Variants in UBE2H observed in about 807,000 individuals in gnomAD.
UBE2H encodes the protein ubiquitin conjugating enzyme E2 H.
Under a neutral mutation model 29.0 loss-of-function variants are expected in UBE2H, and 3 were observed. The ratio of observed to expected loss-of-function variants is 0.10; its 90% CI spans 0.05 to 0.27. UBE2H has a LOEUF of 0.27. Among genes scored for constraint, UBE2H ranks in the 10% least tolerant of loss-of-function variants. The pLI, the probability that UBE2H is intolerant of heterozygous loss-of-function variation, is 1.00. For synonymous variants in UBE2H, 69 were observed against 82.9 expected (o/e 0.83, Z 0.91); for missense variants, 68 against 228.2 (o/e 0.30, Z 4.52).
chr7:129,861,715 A>G (rs376445845), intron 3 of UBE2H, among the ~76,000 whole-genome samples: 9 of 152,200 alleles, frequency 5.9e-5, no homozygotes, highest in Admixed American at 2.6e-4. Flanking sequence ...AACATGGTGA[A>G]ACCCCATCTG....
intron 6 of UBE2H, among the ~76,000 whole-genome samples, chr7:129,838,320 C>A (rs1563017802): frequency 6.6e-6 from 1 of 152,118 alleles, no homozygotes; most frequent in East Asian, 1.9e-4. Context: ...TGCCTCATAC[C>A]TGCACATTTC....
chr7:129,904,444 T>C (rs1201880008), intron 1 of UBE2H, among the ~76,000 whole-genome samples: 4 of 152,184 alleles, frequency 2.6e-5, no homozygotes, highest in Non-Finnish European at 5.9e-5. Context: ...AAATGGCACT[T>C]CCTTAGAGAC....
chr7:129,944,366 A>T (rs547246755), intron 1 of UBE2H, among the ~76,000 whole-genome samples: 7 of 152,334 alleles, frequency 4.6e-5, no homozygotes, highest in African/African-American at 1.4e-4. Flanking sequence ...AAAACAAAAC[A>T]AAACAAAACA....
chr7:129,948,836 A>G (rs1034407812), intron 1 of UBE2H: 1 of 286,948 alleles, frequency 3.5e-6, no homozygotes. Flanking sequence ...TTGTACTCTA[A>G]CAGGTCAGGT....
chr7:129,888,610 G>A (rs1337415175), intron 1 of UBE2H, among the ~76,000 whole-genome samples: 1 of 152,168 alleles, frequency 6.6e-6, no homozygotes, highest in African/African-American at 2.4e-5. Context: ...GAGTAGCTGG[G>A]ATTACAGGCG....
intron 1 of UBE2H, among the ~76,000 whole-genome samples, chr7:129,907,527 A>G (rs1021090943): frequency 1.4e-4 from 22 of 152,196 alleles, no homozygotes; most frequent in African/African-American, 4.8e-4. Flanking sequence ...ATAAAAGCAG[A>G]TAAGTAGACA....
chr7:129,951,428 C>G (rs925615185), intron 1 of UBE2H: 11 of 152,106 alleles, frequency 7.2e-5, no homozygotes, highest in African/African-American at 2.4e-4. Flanking sequence ...CACTTGCCCC[C>G]CTCCCCAAGG....
In UBE2H at chr7:129,858,936, T is replaced by C. The variant is rs775670950; in HGVS notation, c.211A>G (p.Met71Val). 1.2e-6 allele frequency: 2 copies of C among 1,610,508 alleles called. No individual in the cohort carries two copies. The highest frequency in any genetic ancestry group is 1.7e-6 in the Non-Finnish European group (2 of 1,178,086). ...YPFKSPSIGF[M>V]NKIFHPNIDE... ...ATGTTGGGATGGAAAATTTTATTCA[T>C]GAATCCTGTAAAAAGAGATGTTAAT... is the stretch of plus-strand genomic sequence containing the variant. The change falls in exon 4 of 7, where the codon ATG (methionine) becomes GTG (valine). Residue 71 changes from methionine (M) to valine (V), a missense_variant. Physicochemically the swap from Met to Val is conservative, Grantham distance 21. Transcript: ENST00000355621.
intron 1 of UBE2H, among the ~76,000 whole-genome samples, chr7:129,945,279 C>CA (rs1807740181): frequency 6.6e-6 from 1 of 152,120 alleles, no homozygotes. Flanking sequence ...ACCTCAATAA[C>CA]AAAAAAGAAT....
chr7:129,898,811 G>GC (rs1806650624), intron 1 of UBE2H, among the ~76,000 whole-genome samples: 1 of 75,816 alleles, frequency 1.3e-5, no homozygotes, highest in Non-Finnish European at 2.8e-5. Context: ...TGAGTTGCAG[G>GC]CCTTTTTTTT....
intron 1 of UBE2H, among the ~76,000 whole-genome samples, chr7:129,900,862 T>C (rs546688726): frequency 1.3e-4 from 20 of 151,484 alleles, no homozygotes; most frequent in African/African-American, 4.8e-4. Context: ...ACCATTCTCC[T>C]GCCTCAGCCT....
chr7:129,874,963 A>G (rs563624097), intron 3 of UBE2H, among the ~76,000 whole-genome samples: 2 of 152,296 alleles, frequency 1.3e-5, no homozygotes, highest in Admixed American at 1.3e-4. Flanking sequence ...GGAAAAAAGA[A>G]GGGAGGCTGC....
At chr7:129,921,041 A>C (rs1807151641) in intron 1 of UBE2H, among the ~76,000 whole-genome samples, 1 of 151,612 alleles carries the variant, frequency 6.6e-6, no homozygotes, top group Non-Finnish European at 1.5e-5. Flanking sequence ...AAATCAATAT[A>C]TATTACACGT....
At chr7:129,839,791 A>C (rs1584736454) in intron 5 of UBE2H, 1 of 164,718 alleles carries the variant, frequency 6.1e-6, no homozygotes. Flanking sequence ...ACTCACTGAA[A>C]CCTCTGCCTC....
intron 1 of UBE2H, among the ~76,000 whole-genome samples, chr7:129,930,394 C>A (rs1807364871): frequency 6.6e-6 from 1 of 152,130 alleles, no homozygotes; most frequent in African/African-American, 2.4e-5. Flanking sequence ...CTCCCGACGA[C>A]CTCAGGTGAC....
intron 1 of UBE2H, among the ~76,000 whole-genome samples, chr7:129,923,088 G>A (rs943224830): frequency 6.6e-6 from 1 of 151,816 alleles, no homozygotes; most frequent in Non-Finnish European, 1.5e-5. Context: ...TTTTAGTAGA[G>A]ACAGGGTTCC....
chr7:129,881,099 T>A, intron 1 of UBE2H, 128 bp from the exon 2 acceptor site: 1 of 654,476 alleles, frequency 1.5e-6, no homozygotes, highest in Non-Finnish European at 2.5e-6. Flanking sequence ...ATATACATAA[T>A]AATTCTGGTA....
chr7:129,834,234 A>C lies in UBE2H; in HGVS notation c.*703T>G, dbSNP rs1424241536. Reference sequence around the variant, plus strand: ...CTACCCCAAGAAAAAGAACTGGTTCAGAAAACACTTCCCCAAGTTTCTCCA... The same window carrying C: ...CTACCCCAAGAAAAAGAACTGGTTCCGAAAACACTTCCCCAAGTTTCTCCA... On this transcript the variant is annotated 3_prime_UTR_variant, in exon 7 of 7. Coordinates refer to ENST00000355621, the MANE Select transcript of UBE2H (RefSeq NM_003344.4). 1 of 152,248 alleles carries C rather than the reference A, an allele frequency of 6.6e-6. No individual in the cohort carries two copies. Among genetic ancestry groups the C allele is most frequent in the Non-Finnish European group, 1.5e-5 (1 of 68,038 alleles). The allele number at this position is 152,248 out of a possible 1,614,324, so 9.4% of individuals were successfully genotyped here.
chr7:129,936,214 A>G (rs1240786259), intron 1 of UBE2H, among the ~76,000 whole-genome samples: 3 of 152,224 alleles, frequency 2.0e-5, no homozygotes, highest in Non-Finnish European at 2.9e-5. Context: ...GACTAAAACC[A>G]TCATGTTTTA....
Sources: gnomAD v4.1 joint callset for allele counts (sites outside exome capture counted in the v4.1 genomes callset) on GRCh38, gnomAD v4.1.1 for gene constraint, MANE v1.5 for transcripts, NCBI Gene and HGNC (gene_info 2026-07-23, HGNC 2026-07-21) for gene names.